The following CEP192 variants were observed in gnomAD, a reference collection of about 807,000 sequenced individuals.
CEP192 encodes the protein centrosomal protein 192.
CEP192 carries 151 observed loss-of-function variants against 271.8 expected under a neutral mutation model. The observed-to-expected ratio is 0.56, with a 90% CI of 0.49 to 0.64. The LOEUF is 0.64. CEP192 is among the 30% of genes least tolerant of loss of function. The pLI, the probability that CEP192 is intolerant of heterozygous loss-of-function variation, is 0.00. For missense variants in CEP192, 2,910 were observed against 3,020.5 expected (o/e 0.96, Z 0.86); for synonymous variants, 995 against 1,076.5 (o/e 0.92, Z 1.48).
chr18:13,048,914 G>C lies in CEP192; in HGVS notation c.2123G>C (p.Ser708Thr), dbSNP rs1318132391. 1 of 1,613,686 alleles carries C rather than the reference G, an allele frequency of 6.2e-7. No individual in the cohort carries two copies. ...AGATACAAAGACAAGCTACCAGATA[G>C]TGGTGATTCTATGCTTAGGATCAGC... is the stretch of plus-strand genomic sequence containing the variant. ...PQRYKDKLPDSGDSMLRISTI... is the reference protein window; with the variant it reads ...PQRYKDKLPDTGDSMLRISTI... The change falls in exon 16 of 45, where the codon AGT becomes ACT. Residue 708 changes from serine to threonine, a missense_variant. Coordinates refer to ENST00000506447, the MANE Select transcript of CEP192 (RefSeq NM_032142.4).
chr18:13,017,387 T>C, intron 7 of CEP192, 51 bp downstream of exon 7: 1 of 1,354,296 alleles, frequency 7.4e-7, no homozygotes, highest in Admixed American at 2.8e-5. Context: ...AGAAAATTAC[T>C]ATTGGTCTCC....
intron 30 of CEP192, among the ~76,000 whole-genome samples, chr18:13,077,429 A>G (rs2038350993): frequency 6.6e-6 from 1 of 152,240 alleles, no homozygotes; most frequent in Non-Finnish European, 1.5e-5. Context: ...TCTGGTCCCA[A>G]GCACTTTGAA....
intron 30 of CEP192, among the ~76,000 whole-genome samples, chr18:13,073,821 AG>A (rs2038135441): frequency 6.6e-6 from 1 of 152,226 alleles, no homozygotes; most frequent in African/African-American, 2.4e-5. Flanking sequence ...CCCACCTCTT[AG>A]TACTGTCACA....
Position 13,049,484 on chromosome 18 carries a change from C to T in CEP192, c.2693C>T (p.Thr898Ile), listed in dbSNP as rs777932615. ...LQDVGNDEKA[T>I]SISTPSDSYS... is the part of the protein sequence containing the mutation. Reference sequence around the variant, plus strand: ...GATGTTGGTAACGATGAAAAAGCTACCTCAATTTCCACTCCATCTGATAGT... The same window carrying T: ...GATGTTGGTAACGATGAAAAAGCTATCTCAATTTCCACTCCATCTGATAGT... The change falls in exon 16 of 45, where the codon ACC (threonine) becomes ATC (isoleucine). Residue 898 changes from threonine to isoleucine, a missense_variant. Transcript: ENST00000506447. 1.2e-6 allele frequency: 2 copies of T among 1,614,064 alleles called. No individual in the cohort carries two copies. Among genetic ancestry groups the T allele is most frequent in the Non-Finnish European group, 1.7e-6 (2 of 1,180,000 alleles).
At chr18:13,036,450 C>A (rs2035923222) in intron 11 of CEP192, among the ~76,000 whole-genome samples, 1 of 152,230 alleles carries the variant, frequency 6.6e-6, no homozygotes, top group African/African-American at 2.4e-5. Flanking sequence ...TCACTTTTCT[C>A]CTTTCTGCTC....
At chr18:13,086,285 G>A (rs1478927910) in intron 30 of CEP192, among the ~76,000 whole-genome samples, 1 of 152,224 alleles carries the variant, frequency 6.6e-6, no homozygotes, top group Non-Finnish European at 1.5e-5. Flanking sequence ...TTTGGACTGA[G>A]ACGATGGGGT....
intron 16 of CEP192, 26 bp from the exon 17 acceptor site, chr18:13,049,739 T>C (rs1222269923): frequency 6.2e-7 from 1 of 1,605,594 alleles, no homozygotes; most frequent in African/African-American, 1.3e-5. Flanking sequence ...TTTCTCTTCT[T>C]ACTGGAAAAT....
chr18:13,070,006 C>A, intron 27 of CEP192, 150 bp downstream of exon 27: 1 of 539,266 alleles, frequency 1.9e-6, no homozygotes, highest in South Asian at 1.9e-5. Context: ...ACTAAAAATA[C>A]AAAAATTAGC....
chr18:13,051,685 A>T (rs2036801707), intron 17 of CEP192, among the ~76,000 whole-genome samples: 1 of 152,098 alleles, frequency 6.6e-6, no homozygotes, highest in Non-Finnish European at 1.5e-5. Flanking sequence ...CTGGGACTAC[A>T]GGTGCCCGCC....
intron 15 of CEP192, among the ~76,000 whole-genome samples, chr18:13,048,509 G>A (rs1233510808): frequency 6.6e-6 from 1 of 152,154 alleles, no homozygotes; most frequent in Non-Finnish European, 1.5e-5. Context: ...ACTTAATAAG[G>A]AAAGAAAAAA....
intron 37 of CEP192, 94 bp downstream of exon 37, chr18:13,099,675 CAAATG>C (rs995230156): frequency 1.6e-6 from 1 of 636,656 alleles, no homozygotes; most frequent in African/African-American, 1.9e-5. Context: ...TTTCAGAAAT[CAAATG>C]AAAGCGTACT....
In CEP192 at chr18:13,116,381, C is replaced by T. The variant is rs1568443585; in HGVS notation, c.7294C>T (p.Leu2432Phe). 6.2e-7 allele frequency: 1 copy of T among 1,611,788 alleles called. No individual in the cohort carries two copies. ...TTACACCTATTCCCAAAGCAGGCAG[C>T]TTGATGTGACTGCTCGTGGAGTTTA... ...SEASARIPEQLDVTARGVYAP... is the reference protein window; with the variant it reads ...SEASARIPEQFDVTARGVYAP... The change falls in exon 43 of 45, where the codon CTT (leucine) becomes TTT (phenylalanine). Residue 2432 changes from leucine to phenylalanine, a missense_variant. Leu to Phe is a conservative substitution (Grantham distance 22). Coordinates refer to ENST00000506447, the MANE Select transcript of CEP192 (RefSeq NM_032142.4).
intron 8 of CEP192, 33 bp downstream of exon 8, chr18:13,018,648 A>G (rs976962880): frequency 2.1e-6 from 3 of 1,406,246 alleles, no homozygotes; most frequent in African/African-American, 3.0e-5. Flanking sequence ...TTTGTTCTTA[A>G]GTTCTAGTTT....
At position 13,099,530 on chromosome 18, in the gene CEP192, A is replaced by G. The variant is rs768327883; in HGVS notation, c.6612A>G (p.Ser2204=). 75 of 1,605,172 alleles carry G rather than the reference A, an allele frequency of 4.7e-5. No homozygotes were observed. The highest frequency in any genetic ancestry group is 5.9e-5 in the Non-Finnish European group (69 of 1,176,226). ...ATTCCTCCTTATCCACAAAACAGTC[A>G]ATGTTCCCGTGGAGTGGTTTGATCT... is the stretch of plus-strand genomic sequence containing the variant. The part of the protein sequence containing the change: ...SPNSSLSTKQ[S]MFPWSGLIYI... Residue 2204 remains serine (S), a synonymous_variant, in exon 37 of 45, where the codon TCA becomes TCG. Coordinates refer to ENST00000506447, the MANE Select transcript of CEP192 (RefSeq NM_032142.4).
In CEP192 at chr18:13,038,444, T is replaced by C; in HGVS notation, c.1674T>C (p.Ser558=). The change falls in exon 13 of 45, where the codon AGT becomes AGC. Residue 558 remains serine (S), a synonymous_variant. Transcript: ENST00000506447. The stretch of plus-strand genomic sequence containing the variant: ...CCTGGGGAGCTACAATTAATTACAG[T>C]CTGTTGAGGAAATCACGTAGCACAT... ...DTSWGATINY[S]LLRKSRSTSD... is the part of the protein sequence containing the mutation. 1 of 1,551,622 alleles carries C rather than the reference T, an allele frequency of 6.4e-7. No individual in the cohort carries two copies. Among genetic ancestry groups the C allele is most frequent in the Non-Finnish European group, 8.7e-7 (1 of 1,146,952 alleles).
chr18:13,098,487 C>T (rs900642592), intron 36 of CEP192, among the ~76,000 whole-genome samples: 3 of 151,610 alleles, frequency 2.0e-5, no homozygotes, highest in African/African-American at 7.3e-5. Flanking sequence ...AGAGACGCTC[C>T]TCACCTCCCA....
intron 13 of CEP192, among the ~76,000 whole-genome samples, chr18:13,039,195 C>T (rs2036070271): frequency 6.6e-6 from 1 of 152,136 alleles, no homozygotes; most frequent in African/African-American, 2.4e-5. Flanking sequence ...TGGCTCACAC[C>T]TGTAATCCCA....
Position 13,015,351 on chromosome 18 carries a change from A to C in CEP192, c.543A>C (p.Lys181Asn). Reference sequence around the variant, plus strand: ...AGATTGTTGTGCTTGATGCTGGAAAACATTTTGAAGACAAGACTCTAAAGA... The same window carrying C: ...AGATTGTTGTGCTTGATGCTGGAAACCATTTTGAAGACAAGACTCTAAAGA... ...EPKIVVLDAG[K>N]HFEDKTLKSD... Residue 181 changes from lysine to asparagine, a missense_variant, in exon 6 of 45, where the codon AAA (lysine) becomes AAC (asparagine). Coordinates refer to ENST00000506447, the MANE Select transcript of CEP192 (RefSeq NM_032142.4). 6.4e-7 allele frequency: 1 copy of C among 1,550,448 alleles called. No individual in the cohort carries two copies. Among genetic ancestry groups the C allele is most frequent in the Non-Finnish European group, 8.7e-7 (1 of 1,146,684 alleles).
chr18:12,999,715 G>A (rs2033485403), intron 2 of CEP192, 127 bp downstream of exon 2: 3 of 557,220 alleles, frequency 5.4e-6, no homozygotes, highest in Middle Eastern at 2.9e-4. Context: ...CCAAATATGT[G>A]AAATGAATAT....
Sources: gnomAD v4.1 joint callset for allele counts (sites outside exome capture counted in the v4.1 genomes callset) on GRCh38, gnomAD v4.1.1 for gene constraint, MANE v1.5 for transcripts, NCBI Gene and HGNC (gene_info 2026-07-23, HGNC 2026-07-21) for gene names.